Variants in COL5A3 observed in about 807,000 individuals in gnomAD.
The protein encoded by COL5A3 is collagen type V alpha 3 chain, also known as collagen alpha-3(V) chain.
COL5A3 carries 172 observed loss-of-function variants against 250.0 expected under a neutral mutation model. The observed-to-expected ratio is 0.69, with a 90% CI of 0.61 to 0.78. COL5A3 has a LOEUF of 0.78. Among genes scored for constraint, COL5A3 ranks in the 30% least tolerant of loss-of-function variants. The pLI, the probability that COL5A3 is intolerant of heterozygous loss-of-function variation, is 0.00. For missense variants in COL5A3, 2,340 were observed against 2,334.4 expected (o/e 1.00, Z -0.05); for synonymous variants, 937 against 900.4 (o/e 1.04, Z -0.73).
intron 6 of COL5A3, among the ~76,000 whole-genome samples, chr19:10,002,869 C>T (rs1269765216): frequency 1.3e-5 from 2 of 152,080 alleles, no homozygotes; most frequent in Non-Finnish European, 2.9e-5. Flanking sequence ...AATCACTCTT[C>T]CAACTTGTGG....
intron 13 of COL5A3, 74 bp from the exon 14 acceptor site, chr19:9,996,336 G>T (rs1192402980): frequency 1.3e-6 from 2 of 1,550,952 alleles, no homozygotes; most frequent in Non-Finnish European, 8.7e-7. Context: ...GCATCTTCAG[G>T]AGAAAAATAA....
intron 53 of COL5A3, 86 bp downstream of exon 53, chr19:9,970,889 A>G (rs1360623883): frequency 1.6e-6 from 2 of 1,253,020 alleles, no homozygotes; most frequent in African/African-American, 3.1e-5. Flanking sequence ...GTACCCCACT[A>G]GCCCACTCCC....
chr19:9,978,572 A>C lies in COL5A3; in HGVS notation c.3018+2T>G. The C allele has an allele frequency of 1.3e-6, 2 of 1,577,846 alleles. No individual in the cohort carries two copies. Among genetic ancestry groups the C allele is most frequent in the Non-Finnish European group, 1.7e-6 (2 of 1,157,214 alleles). On this transcript the variant is annotated splice_donor_variant, in intron 41 of 66. Coordinates refer to ENST00000264828, the MANE Select transcript of COL5A3 (RefSeq NM_015719.4). LOFTEE classifies it high-confidence loss of function. ...CCACCCAGCACATGGGGTTATACTT[A>C]CATTGGCCCCCACGGGCCCTGGGGG...
Position 9,996,262 on chromosome 19 carries a change from G to T in COL5A3, c.1423C>A (p.Leu475Ile), listed in dbSNP as rs1286225971. The change falls in exon 14 of 67, where the codon CTC (leucine) becomes ATC (isoleucine). Residue 475 changes from leucine (L) to isoleucine (I), a missense_variant and splice_region_variant. Leu to Ile is a conservative substitution (Grantham distance 5, BLOSUM62 2). This residue lies in a region of COL5A3 where 1,152 missense variants were observed against 1,146.3 expected (regional missense o/e 1.00). Coordinates refer to ENST00000264828, the MANE Select transcript of COL5A3 (RefSeq NM_015719.4). ...QAQAVLQQTQ[L>I]SMKGPPGPVG... ...GGACCAGGGGGGCCTTTCATAGAGA[G>T]CTGGAAAGACAGAGGAGTCAGAGCT... 3.8e-6 allele frequency: 6 copies of T among 1,568,266 alleles called. No individual in the cohort carries two copies. The African/African-American group carries it at 8.2e-5, about 22-fold the overall frequency.
In COL5A3 at chr19:9,960,489, C is replaced by T. The variant is rs751812549; in HGVS notation, c.5160G>A (p.Trp1720Ter). 1 of 1,614,188 alleles carries T rather than the reference C, an allele frequency of 6.2e-7. No homozygotes were observed. Among genetic ancestry groups the T allele is most frequent in the Admixed American group, 1.7e-5 (1 of 60,010 alleles). Residue 1720 changes from tryptophan to a stop codon, truncating the protein, a stop_gained, in exon 67 of 67, where the codon TGG becomes TGA. Coordinates refer to ENST00000264828, the MANE Select transcript of COL5A3 (RefSeq NM_015719.4). LOFTEE classifies it high-confidence loss of function. ...GGCCAAAGTCAGTGGCCGCCACATC[C>T]CACAGGGGCAGAAATCCCGCTCGAG... is the stretch of plus-strand genomic sequence containing the variant. Reference protein sequence around the residue: ...SSSRAGFLPLWDVAATDFGQT... With the variant: ...SSSRAGFLPL
rs998160441 is a variant in COL5A3, at chr19:9,973,919, C to T, written c.3558G>A (p.Glu1186=). ...PRGPQGPTGS[E]GTPGLPGGVG... ...TTCCTGGCCCCCCAAGAGTTCTCACCTCTGATCCAGTGGGGCCTTGGGGAC... is the reference window on the plus strand; with the variant it reads ...TTCCTGGCCCCCCAAGAGTTCTCACTTCTGATCCAGTGGGGCCTTGGGGAC... The change falls in exon 48 of 67, where the codon GAG becomes GAA. Residue 1186 remains glutamate, a splice_region_variant and synonymous_variant. Coordinates refer to ENST00000264828, the MANE Select transcript of COL5A3 (RefSeq NM_015719.4). 2 of 1,572,998 alleles carry T rather than the reference C, an allele frequency of 1.3e-6. No individual in the cohort carries two copies. The highest frequency in any genetic ancestry group is 1.7e-6 in the Non-Finnish European group (2 of 1,158,014).
In COL5A3 at chr19:9,980,688, T is replaced by TCGC; in HGVS notation, c.2561_2563dup (p.Gly854dup). ...CCCAGGGGCTCCATCCTGGCCCACA[T>TCGC]CGCCCTAGGACAGAGTGAATGAGAC... On this transcript the variant is annotated inframe_insertion, in exon 35 of 67. Coordinates refer to ENST00000264828, the MANE Select transcript of COL5A3 (RefSeq NM_015719.4). 1 of 1,613,792 alleles carries TCGC rather than the reference T, an allele frequency of 6.2e-7. No individual in the cohort carries two copies.
intron 55 of COL5A3, 42 bp from the exon 56 acceptor site, chr19:9,969,724 T>C (rs1389740167): frequency 6.3e-7 from 1 of 1,580,898 alleles, no homozygotes; most frequent in African/African-American, 1.4e-5. Context: ...AGTCAGAGGG[T>C]TCCTGCCTCC....
chr19:10,003,952 G>T, intron 5 of COL5A3, 89 bp downstream of exon 5: 1 of 1,155,626 alleles, frequency 8.7e-7, no homozygotes. Context: ...CATGTCTGGG[G>T]GATGAGAATT....
At chr19:9,995,231 G>A (rs1286952855) in intron 16 of COL5A3, among the ~76,000 whole-genome samples, 2 of 152,172 alleles carry the variant, frequency 1.3e-5, no homozygotes, top group African/African-American at 4.8e-5. Flanking sequence ...GCATCATTAT[G>A]TGGTGCATGA....
intron 24 of COL5A3, among the ~76,000 whole-genome samples, chr19:9,990,635 T>C (rs2087175077): frequency 6.6e-6 from 1 of 151,794 alleles, no homozygotes. Flanking sequence ...AGATCTCGGC[T>C]CACTGCAAGC....
At chr19:9,981,331 A>G (rs1429642427) in intron 32 of COL5A3, among the ~76,000 whole-genome samples, 199 bp from the exon 33 acceptor site, 2 of 152,226 alleles carry the variant, frequency 1.3e-5, no homozygotes, top group African/African-American at 4.8e-5. Context: ...AATTACAACT[A>G]TGATTGCATC....
rs1332593491 is a variant in COL5A3, at chr19:10,009,353, G to C, written c.88+945C>G. ...CCCCCACTCTGAACCCTGAGGGGCG[G>C]GACAGGGCGCCCAGCCAGATGCGCG... On this transcript the variant is annotated intron_variant, in intron 1 of 66. Transcript: ENST00000264828. This position sits in a 1 kb window ranked among gnomAD's most constrained non-coding sequence, Gnocchi z 4.4. Among the ~76,000 whole-genome samples the C allele has an allele frequency of 6.6e-6, 1 of 152,052 alleles. No homozygotes were observed.
Position 9,990,708 on chromosome 19 carries a change from G to A in COL5A3, c.1992+902C>T, listed in dbSNP as rs368307418. On this transcript the variant is annotated intron_variant, in intron 24 of 66. Transcript: ENST00000264828. ...CTCCCGAGTAGCTGGGACTACAGGCGCGCGCCACCACGCCCGGCTAATTTT... is the reference window on the plus strand; with the variant it reads ...CTCCCGAGTAGCTGGGACTACAGGCACGCGCCACCACGCCCGGCTAATTTT... Among the ~76,000 whole-genome samples, 21 of 151,846 alleles carry A rather than the reference G, an allele frequency of 1.4e-4. No individual in the cohort carries two copies. In the South Asian group the frequency reaches 2.1e-3, roughly 15 times the overall value.
intron 16 of COL5A3, among the ~76,000 whole-genome samples, chr19:9,994,490 T>G (rs941879926): frequency 5.4e-5 from 8 of 148,058 alleles, no homozygotes; most frequent in Middle Eastern, 3.4e-3. Context: ...TGGCTGATTT[T>G]ATTTTATTTT....
intron 51 of COL5A3, 141 bp from the exon 52 acceptor site, chr19:9,971,399 G>A (rs907707831): frequency 1.0e-4 from 69 of 661,564 alleles, no homozygotes; most frequent in Middle Eastern, 7.3e-4. Flanking sequence ...TGGCTTGGTA[G>A]AGCGAACATT....
At chr19:9,993,597 G>A (rs748823708) in intron 18 of COL5A3, 22 bp downstream of exon 18, 20 of 1,613,246 alleles carry the variant, frequency 1.2e-5, no homozygotes, top group Admixed American at 1.2e-4. Flanking sequence ...TTAGACTTGG[G>A]GGAGGGACCT....
chr19:9,978,599 C>T lies in COL5A3; in HGVS notation c.2993G>A (p.Gly998Asp). 1 of 1,578,322 alleles carries T rather than the reference C, an allele frequency of 6.3e-7. No homozygotes were observed. Among genetic ancestry groups the T allele is most frequent in the South Asian group, 1.2e-5 (1 of 86,800 alleles). ...ATTGGCCCCCACGGGCCCTGGGGGG[C>T]CCTTATCACCCTTTAAGCCAGTAGG... Reference protein sequence around the residue: ...PGPTGLKGDKGPPGPVGANGS... With the variant: ...PGPTGLKGDKDPPGPVGANGS... The change falls in exon 41 of 67, where the codon GGC becomes GAC. Residue 998 changes from glycine (G) to aspartate (D), a missense_variant. Coordinates refer to ENST00000264828, the MANE Select transcript of COL5A3 (RefSeq NM_015719.4).
intron 8 of COL5A3, among the ~76,000 whole-genome samples, chr19:10,000,452 CTTTTTTTTTTTTTTTTT>C (rs576119335): frequency 1.6e-5 from 1 of 62,798 alleles, no homozygotes; most frequent in South Asian, 5.8e-4. Context: ...CCAGAGAGCT[CTTTTTTTTTTTTTTTTT>C]TTTTTTTTTT....
Sources: allele counts gnomAD v4.1 joint callset (sites outside exome capture counted in the v4.1 genomes callset), GRCh38; gene constraint gnomAD v4.1.1; regional missense constraint gnomAD v4.1.1; non-coding constraint Gnocchi (gnomAD v3.1); transcripts MANE v1.5; gene names NCBI Gene and HGNC (gene_info 2026-07-23, HGNC 2026-07-21).